Variants in GRM5 observed in about 807,000 individuals in gnomAD.
GRM5 encodes the protein metabotropic glutamate receptor 5.
Under a neutral mutation model 83.1 loss-of-function variants are expected in GRM5, and 19 were observed. The observed-to-expected ratio is 0.23, with a 90% CI of 0.16 to 0.34. The LOEUF is 0.34. Among genes scored for constraint, GRM5 ranks in the 10% least tolerant of loss-of-function variants. GRM5 has a pLI of 1.00. For missense variants in GRM5, 1,160 were observed against 1,588.3 expected (o/e 0.73, Z 4.58); for synonymous variants, 675 against 633.6 (o/e 1.07, Z -0.98).
chr11:88,834,327 T>C (rs1287160363), intron 3 of GRM5, among the ~76,000 whole-genome samples: 5 of 152,160 alleles, frequency 3.3e-5, no homozygotes, highest in Non-Finnish European at 7.4e-5. Flanking sequence ...TAAAATTAAG[T>C]AAGAAAACAG....
chr11:88,698,443 T>C (rs914537467), intron 3 of GRM5, among the ~76,000 whole-genome samples: 1 of 152,248 alleles, frequency 6.6e-6, no homozygotes, highest in African/African-American at 2.4e-5. Context: ...CATATTACTT[T>C]AGCAAAATCT....
intron 3 of GRM5, among the ~76,000 whole-genome samples, chr11:88,831,056 G>C (rs905889716): frequency 5.3e-5 from 8 of 152,108 alleles, no homozygotes; most frequent in Admixed American, 3.3e-4. Context: ...TTCAAGATGA[G>C]TTCTGAGTGG....
intron 3 of GRM5, among the ~76,000 whole-genome samples, chr11:88,761,847 C>G (rs1386504664): frequency 6.6e-6 from 1 of 151,518 alleles, no homozygotes; most frequent in Non-Finnish European, 1.5e-5. Flanking sequence ...TACTGGTACA[C>G]AGACACATAG....
chr11:88,749,969 G>A (rs1483290030), intron 3 of GRM5, among the ~76,000 whole-genome samples: 1 of 152,146 alleles, frequency 6.6e-6, no homozygotes, highest in Non-Finnish European at 1.5e-5. Context: ...ACCGTTGCCA[G>A]CTACTACAAA....
intron 2 of GRM5, among the ~76,000 whole-genome samples, chr11:88,886,568 C>A (rs1945047346): frequency 6.6e-6 from 1 of 152,100 alleles, no homozygotes; most frequent in Non-Finnish European, 1.5e-5. Flanking sequence ...CTGTTTGAAC[C>A]AGCTTCCTTT....
chr11:88,798,735 G>A (rs1943328507), intron 3 of GRM5, among the ~76,000 whole-genome samples: 1 of 143,716 alleles, frequency 7.0e-6, no homozygotes, highest in African/African-American at 2.6e-5. Flanking sequence ...GAGAAAGCTG[G>A]GATTGAAATC....
At chr11:88,588,141 T>C (rs1282939433) in intron 7 of GRM5, among the ~76,000 whole-genome samples, 1 of 152,194 alleles carries the variant, frequency 6.6e-6, no homozygotes, top group African/African-American at 2.4e-5. Context: ...TCTTGTGTGC[T>C]TGGAAAAAGT....
chr11:88,856,984 A>C (rs557272394), intron 2 of GRM5, among the ~76,000 whole-genome samples: 1 of 152,220 alleles, frequency 6.6e-6, no homozygotes, highest in African/African-American at 2.4e-5. Context: ...TCATATCTGT[A>C]TGTGTATAGA....
In GRM5 at chr11:88,567,352, T is replaced by G; in HGVS notation, c.2331A>C (p.Thr777=). Residue 777 remains threonine (T), a synonymous_variant, in exon 8 of 10, where the codon ACA becomes ACC. Coordinates refer to ENST00000305447, the MANE Select transcript of GRM5 (RefSeq NM_001143831.3). This position sits in a 1 kb window ranked among gnomAD's most constrained non-coding sequence, Gnocchi z 7.3. ...NFNEAKYIAF[T]MYTTCIIWLA... ...GCCATATAATGCAGGTCGTGTACAT[T>G]GTGAAGGCGATATACTTGGCCTCGT... is the stretch of plus-strand genomic sequence containing the variant. The G allele has an allele frequency of 6.2e-7, 1 of 1,614,106 alleles. No homozygotes were observed. The highest frequency in any genetic ancestry group is 1.3e-5 in the African/African-American group (1 of 75,030).
chr11:88,902,950 C>CAAAAAAAAAAAAAAA (rs201996144), intron 2 of GRM5, among the ~76,000 whole-genome samples: 12 of 61,904 alleles, frequency 1.9e-4, no homozygotes, highest in East Asian at 8.3e-4. Flanking sequence ...GACTCCATCT[C>CAAAAAAAAAAAAAAA]AAAAAAAAAA....
At chr11:88,705,988 A>G (rs1442423415) in intron 3 of GRM5, among the ~76,000 whole-genome samples, 1 of 152,054 alleles carries the variant, frequency 6.6e-6, no homozygotes, top group Admixed American at 6.6e-5. Context: ...GTGTTAGATT[A>G]TCACTATTCT....
At chr11:88,828,185 C>T (rs1160367266) in intron 3 of GRM5, among the ~76,000 whole-genome samples, 9 of 152,084 alleles carry the variant, frequency 5.9e-5, no homozygotes, top group Non-Finnish European at 1.0e-4. Flanking sequence ...ATGAGAAAGG[C>T]AGAAGAGGTA....
At chr11:88,541,935 T>A (rs528515936) in intron 8 of GRM5, among the ~76,000 whole-genome samples, 2 of 152,302 alleles carry the variant, frequency 1.3e-5, no homozygotes, top group East Asian at 3.9e-4. Context: ...GTGAGTGACT[T>A]CTTGTGAGAT....
intron 2 of GRM5, among the ~76,000 whole-genome samples, chr11:88,891,610 C>CTAAGTATATGCTATCAA (rs59362348): frequency 0.92 from 32,307 of 35,102 alleles, 15,265 homozygotes; most frequent in East Asian, 0.98. Context: ...ATTCTAATGT[C>CTAAGTATATGCTATCAA]TCATAATTAA....
intron 3 of GRM5, among the ~76,000 whole-genome samples, chr11:88,833,261 T>TA (rs796930729): frequency 5.2e-4 from 77 of 148,502 alleles, no homozygotes; most frequent in African/African-American, 1.3e-3. Flanking sequence ...CTTAACAGCT[T>TA]AAAAAAAAAA....
chr11:88,955,975 T>C (rs1938599102), intron 2 of GRM5, among the ~76,000 whole-genome samples: 1 of 152,232 alleles, frequency 6.6e-6, no homozygotes, highest in African/African-American at 2.4e-5. Context: ...ATAATGCTGG[T>C]TACAAATTAT....
intron 8 of GRM5, among the ~76,000 whole-genome samples, chr11:88,547,739 G>A (rs1395017666): frequency 6.6e-6 from 1 of 152,116 alleles, no homozygotes; most frequent in Non-Finnish European, 1.5e-5. Context: ...GTTCACATCA[G>A]CTCAATAACA....
In GRM5 at chr11:88,673,825, C is replaced by G. The variant is rs1424802465; in HGVS notation, c.912-20422G>C. Among the ~76,000 whole-genome samples the G allele has an allele frequency of 1.7e-4, 25 of 151,096 alleles. No individual in the cohort carries two copies. In the Admixed American group the frequency reaches 1.7e-3, roughly 10 times the overall value. On this transcript the variant is annotated intron_variant, in intron 3 of 9. Coordinates refer to ENST00000305447, the MANE Select transcript of GRM5 (RefSeq NM_001143831.3). The stretch of plus-strand genomic sequence containing the variant: ...AGGCTACAAGAGAAGCGTAGAGAAA[C>G]AGGCAGTGCCAAATGGTTCATAGTT...
chr11:88,545,113 C>G (rs1469435613), intron 8 of GRM5, among the ~76,000 whole-genome samples: 1 of 152,194 alleles, frequency 6.6e-6, no homozygotes, highest in Non-Finnish European at 1.5e-5. Flanking sequence ...TCATCTGCAA[C>G]TGGAACTATT....
Sources: allele counts gnomAD v4.1 joint callset (sites outside exome capture counted in the v4.1 genomes callset), GRCh38; gene constraint gnomAD v4.1.1; non-coding constraint Gnocchi (gnomAD v3.1); transcripts MANE v1.5; gene names NCBI Gene and HGNC (gene_info 2026-07-23, HGNC 2026-07-21).